CRADD: variants seen among roughly 807,000 people sequenced by gnomAD.
The protein encoded by CRADD is CARD and death domain containing adaptor protein, also known as death domain-containing protein CRADD.
In CRADD, 9 loss-of-function variants were observed where a neutral mutation model predicts 15.5. That is an observed-to-expected ratio of 0.58 (90% CI 0.35 to 1.01). CRADD has a LOEUF of 1.01. Among genes scored for constraint, CRADD ranks in the 50% least tolerant of loss-of-function variants. CRADD has a pLI of 0.02. For missense variants in CRADD, 227 were observed against 250.3 expected (o/e 0.91, Z 0.63); for synonymous variants, 118 against 107.6 (o/e 1.10, Z -0.60).
chr12:93,715,050 A>G (rs1451479344), intron 2 of CRADD, among the ~76,000 whole-genome samples: 1 of 148,570 alleles, frequency 6.7e-6, no homozygotes, highest in African/African-American at 2.6e-5. Flanking sequence ...ACATCATCCA[A>G]TGTCCTTTTT....
intron 2 of CRADD, among the ~76,000 whole-genome samples, chr12:93,716,738 C>T (rs1956170802): frequency 6.6e-6 from 1 of 152,132 alleles, no homozygotes; most frequent in Non-Finnish European, 1.5e-5. Flanking sequence ...GAATAATATC[C>T]CATTGTCTGG....
Position 93,824,971 on chromosome 12 carries a change from G to C in CRADD, c.299-24999G>C, listed in dbSNP as rs900304253. Among the ~76,000 whole-genome samples, 1 of 152,090 alleles carries C rather than the reference G, an allele frequency of 6.6e-6. No homozygotes were observed. On this transcript the variant is annotated intron_variant, in intron 2 of 2. Coordinates refer to ENST00000332896, the MANE Select transcript of CRADD (RefSeq NM_003805.5). The surrounding 1 kb of genome is among the most constrained non-coding windows in gnomAD (Gnocchi z 4.3). ...ACAAGTATATATTCATTAATACATG[G>C]GGCTTGTTCCAAATCGATCATGAAA...
chr12:93,865,651 C>G (rs1958360703), intron 2 of CRADD, among the ~76,000 whole-genome samples: 1 of 152,112 alleles, frequency 6.6e-6, no homozygotes, highest in Admixed American at 6.5e-5. Flanking sequence ...AGCAATCCTC[C>G]CATCTGGGCC....
At chr12:93,805,393 A>G (rs1593004551) in intron 2 of CRADD, among the ~76,000 whole-genome samples, 1 of 152,026 alleles carries the variant, frequency 6.6e-6, no homozygotes. Flanking sequence ...ATTTATTTTT[A>G]TTTTAGAAAT....
intron 2 of CRADD, among the ~76,000 whole-genome samples, chr12:93,683,364 C>T (rs145772786): frequency 2.4e-4 from 37 of 152,356 alleles, no homozygotes; most frequent in African/African-American, 8.9e-4. Context: ...GTTTTTCTCT[C>T]CTCCGTTGGT....
At chr12:93,894,253 TC>T in exon 3 of CRADD, 1 of 595,750 alleles carries the variant, frequency 1.7e-6, no homozygotes, top group Non-Finnish European at 3.1e-6. Flanking sequence ...TTGTCACAAT[TC>T]TGTGTATGTG....
chr12:93,717,985 T>A (rs1956191849), intron 2 of CRADD, among the ~76,000 whole-genome samples: 2 of 152,192 alleles, frequency 1.3e-5, no homozygotes, highest in African/African-American at 4.8e-5. Flanking sequence ...TCACTTAACT[T>A]TGTTTATGTG....
At chr12:93,729,248 C>A (rs577262344) in intron 2 of CRADD, among the ~76,000 whole-genome samples, 1 of 152,086 alleles carries the variant, frequency 6.6e-6, no homozygotes, top group South Asian at 2.1e-4. Flanking sequence ...GCCAGGGTGG[C>A]ACATCAAGTC....
intron 2 of CRADD, among the ~76,000 whole-genome samples, chr12:93,842,340 T>A (rs1958058824): frequency 6.6e-6 from 1 of 152,252 alleles, no homozygotes; most frequent in Non-Finnish European, 1.5e-5. Flanking sequence ...TAGGAAGTAC[T>A]GCTGCACAGA....
chr12:93,845,741 A>G lies in CRADD; in HGVS notation c.299-4229A>G, dbSNP rs79223729. Among the ~76,000 whole-genome samples the G allele has an allele frequency of 2.0e-3, 305 of 152,296 alleles. 2 individuals are homozygous for G. The highest frequency in any genetic ancestry group is 3.1e-3 in the Non-Finnish European group (210 of 68,016). On this transcript the variant is annotated intron_variant, in intron 2 of 2. Transcript: ENST00000332896. ...AGAAACAAAAACTCAAGATGTCATCATGATAAAACAACAATGGGATTCTTT... is the reference window on the plus strand; with the variant it reads ...AGAAACAAAAACTCAAGATGTCATCGTGATAAAACAACAATGGGATTCTTT...
intron 2 of CRADD, among the ~76,000 whole-genome samples, chr12:93,805,378 A>C (rs780507782): frequency 3.9e-5 from 6 of 152,066 alleles, no homozygotes; most frequent in Non-Finnish European, 5.9e-5. Flanking sequence ...TATACAGTCT[A>C]ATTCATTTAT....
chr12:93,733,121 G>A (rs1956496670), intron 2 of CRADD, among the ~76,000 whole-genome samples: 1 of 152,166 alleles, frequency 6.6e-6, no homozygotes, highest in African/African-American at 2.4e-5. Flanking sequence ...AGGAAAGTCA[G>A]TATTCAATGA....
chr12:93,795,067 T>C (rs1019116450), intron 2 of CRADD, among the ~76,000 whole-genome samples: 11 of 152,224 alleles, frequency 7.2e-5, no homozygotes, highest in African/African-American at 2.7e-4. Flanking sequence ...TTTTAATTTA[T>C]GTAAAGCATT....
downstream of CRADD, among the ~76,000 whole-genome samples, chr12:93,853,716 G>A (rs1036313384): frequency 9.2e-5 from 14 of 152,188 alleles, no homozygotes; most frequent in Admixed American, 6.5e-5. Flanking sequence ...AATCAGCTTC[G>A]TGTTCCATTT....
At chr12:93,809,266 T>G (rs1036985292) in intron 2 of CRADD, among the ~76,000 whole-genome samples, 2 of 152,208 alleles carry the variant, frequency 1.3e-5, no homozygotes, top group Non-Finnish European at 2.9e-5. Context: ...ATATAAAATG[T>G]TTATCATTTA....
At chr12:93,693,388 A>G (rs1196075998) in intron 2 of CRADD, among the ~76,000 whole-genome samples, 1 of 152,142 alleles carries the variant, frequency 6.6e-6, no homozygotes, top group African/African-American at 2.4e-5. Context: ...GTGAAAATTA[A>G]CGGGTAGAAA....
chr12:93,710,902 G>A (rs937873198), intron 2 of CRADD, among the ~76,000 whole-genome samples: 3 of 152,036 alleles, frequency 2.0e-5, no homozygotes, highest in African/African-American at 7.2e-5. Context: ...TATTAGTGAA[G>A]TCCAAGGCCT....
At chr12:93,887,460 C>T (rs866283374) in intron 2 of CRADD, among the ~76,000 whole-genome samples, 6 of 152,152 alleles carry the variant, frequency 3.9e-5, no homozygotes, top group Admixed American at 1.3e-4. Context: ...AGAAATTAAG[C>T]GAAACTCAGG....
intron 2 of CRADD, among the ~76,000 whole-genome samples, chr12:93,729,157 CA>C (rs1463096918): frequency 6.6e-6 from 1 of 152,014 alleles, no homozygotes; most frequent in East Asian, 1.9e-4. Context: ...ATTTAAGCAC[CA>C]AACCGCAAAA....
Sources: gnomAD v4.1 joint callset for allele counts (sites outside exome capture counted in the v4.1 genomes callset) on GRCh38, gnomAD v4.1.1 for gene constraint, Gnocchi (gnomAD v3.1) non-coding constraint, MANE v1.5 for transcripts, NCBI Gene and HGNC (gene_info 2026-07-23, HGNC 2026-07-21) for gene names.